The following LCOR variants were observed in gnomAD, a reference collection of about 807,000 sequenced individuals.
LCOR encodes ligand dependent nuclear receptor corepressor.
A neutral mutation model predicts 64.4 loss-of-function variants in LCOR; 14 were observed. The ratio of observed to expected loss-of-function variants is 0.22; its 90% CI spans 0.14 to 0.34. The LOEUF is 0.34. Ranked by LOEUF, LCOR falls within the 10% of genes least tolerant of loss-of-function variation. The pLI is 1.00. For missense variants in LCOR, 1,686 were observed against 1,765.3 expected, an observed-to-expected ratio of 0.96 and a Z score of 0.80; for synonymous variants, 643 against 642.5, an observed-to-expected ratio of 1.00 and a Z score of -0.01.
chr10:96,850,671 A>C (rs563649683), intron 2 of LCOR, among the ~76,000 whole-genome samples: 3 of 151,946 alleles, frequency 2.0e-5, no homozygotes, highest in Non-Finnish European at 4.4e-5. Context: ...GCTGTTCTCA[A>C]ACCCTTGAGC....
At chr10:96,838,296 T>C (rs910431278) in intron 2 of LCOR, among the ~76,000 whole-genome samples, 1 of 152,134 alleles carries the variant, frequency 6.6e-6, no homozygotes, top group African/African-American at 2.4e-5. Flanking sequence ...TTTATTTTTA[T>C]TTTTTCTCAG....
intron 2 of LCOR, among the ~76,000 whole-genome samples, chr10:96,843,277 A>G (rs1384682367): frequency 6.6e-6 from 1 of 151,956 alleles, no homozygotes; most frequent in Non-Finnish European, 1.5e-5. Context: ...AGCATGTTTC[A>G]TCATGCCTGG....
intron 4 of LCOR, among the ~76,000 whole-genome samples, chr10:96,921,358 A>G (rs1310039654): frequency 1.3e-5 from 2 of 152,156 alleles, no homozygotes; most frequent in African/African-American, 2.4e-5. Context: ...GTTTTCTTCT[A>G]AAAGTTTTAT....
rs1419023643 is a variant in LCOR at position 96,870,046 on chromosome 10, TTG to T, written c.-330+36569_-330+36570del. ...CTTCTAACCATAAGTTCTTTGTTTGTTGTTGTTGTTGTTGTTGTTGTTTTTTG... is the reference window on the plus strand; with the variant it reads ...CTTCTAACCATAAGTTCTTTGTTTGTTTGTTGTTGTTGTTGTTGTTTTTTG... On this transcript the variant is annotated intron_variant, in intron 2 of 7. Coordinates refer to ENST00000421806, the MANE Select transcript of LCOR (RefSeq NM_001346516.2). 2.4e-3 allele frequency among the ~76,000 whole-genome samples: 371 copies of T among 151,494 alleles called. 2 individuals carry two copies. The highest frequency in any genetic ancestry group is 8.1e-3 in the African/African-American group (335 of 41,376).
intron 2 of LCOR, among the ~76,000 whole-genome samples, chr10:96,891,528 C>CTTTTTTT (rs1425431265): frequency 8.2e-5 from 1 of 12,244 alleles, no homozygotes; most frequent in Non-Finnish European, 1.7e-4. Flanking sequence ...TCTGTCTTGA[C>CTTTTTTT]TCTTTTTTTT....
rs1026793671 is a variant in LCOR, at chr10:96,833,421, G to C, written c.-388G>C. The C allele has an allele frequency of 6.1e-6, 6 of 985,866 alleles. No homozygotes were observed. Among genetic ancestry groups the C allele is most frequent in the Non-Finnish European group, 4.8e-6 (4 of 830,106 alleles). 61.1% of individuals were successfully genotyped at this position (985,866 alleles called of 1,614,324 possible). On this transcript the variant is annotated 5_prime_UTR_variant, in exon 2 of 8. Coordinates refer to ENST00000421806, the MANE Select transcript of LCOR (RefSeq NM_001346516.2). ...CTCTCCCAAGGTCCCGTTTCCCTCT[G>C]TGCGGCGGCCGGCGGGACCATAAGG...
chr10:96,858,134 G>A (rs975270538), intron 2 of LCOR, among the ~76,000 whole-genome samples: 1 of 152,178 alleles, frequency 6.6e-6, no homozygotes, highest in Non-Finnish European at 1.5e-5. Flanking sequence ...GAGGAATTGT[G>A]CATTTGAGAA....
chr10:96,906,592 T>G (rs528311694), intron 2 of LCOR, among the ~76,000 whole-genome samples: 1 of 152,366 alleles, frequency 6.6e-6, no homozygotes, highest in East Asian at 1.9e-4. Flanking sequence ...TTTCTACTTT[T>G]TTCACACTGG....
chr10:96,949,350 A>AT, intron 6 of LCOR, 55 bp downstream of exon 6: 1 of 1,494,436 alleles, frequency 6.7e-7, no homozygotes, highest in Non-Finnish European at 9.2e-7. Flanking sequence ...TACTTTGGGG[A>AT]GAAAAAAAAA....
At chr10:96,965,215 TAGCC>T (rs1847936543) in intron 7 of LCOR, among the ~76,000 whole-genome samples, 1 of 151,248 alleles carries the variant, frequency 6.6e-6, no homozygotes, top group South Asian at 2.1e-4. Flanking sequence ...TTCACAATGT[TAGCC>T]AGGATGGTCT....
At chr10:96,928,571 CT>C (rs1847206158) in intron 4 of LCOR, among the ~76,000 whole-genome samples, 1 of 152,176 alleles carries the variant, frequency 6.6e-6, no homozygotes, top group African/African-American at 2.4e-5. Context: ...ATGTCTTGAA[CT>C]TCTCCAAGTC....
Position 96,981,671 on chromosome 10 carries a change from T to C in LCOR, c.1211T>C (p.Val404Ala). ...CTTCACTCTCTGGGAAGAAATAAGG[T>C]GGGTTACCATTTACATCCCAGTGAT... The part of the protein sequence containing the change: ...NHLHSLGRNK[V>A]GYHLHPSDKG... The change falls in exon 8 of 8, where the codon GTG (valine) becomes GCG (alanine). Residue 404 changes from valine to alanine, a missense_variant. Transcript: ENST00000421806. The C allele has an allele frequency of 6.2e-7, 1 of 1,614,148 alleles. No homozygotes were observed. The highest frequency in any genetic ancestry group is 1.1e-5 in the South Asian group (1 of 91,080).
intron 2 of LCOR, among the ~76,000 whole-genome samples, chr10:96,892,631 C>T (rs1367973573): frequency 6.6e-6 from 1 of 152,118 alleles, no homozygotes; most frequent in African/African-American, 2.4e-5. Context: ...CTTCCAAAGG[C>T]CCCACTTCTT....
intron 7 of LCOR, chr10:96,960,366 A>G (rs1005638090): frequency 6.6e-6 from 1 of 152,198 alleles, no homozygotes; most frequent in Admixed American, 6.6e-5. Context: ...TGAGTAGTTT[A>G]ACAGTTATAT....
chr10:96,915,776 T>C, intron 4 of LCOR: 2 of 614,034 alleles, frequency 3.3e-6, no homozygotes, highest in Non-Finnish European at 6.2e-6. Flanking sequence ...TGCAGGGCCC[T>C]TTTGAAGCTT....
chr10:96,879,388 G>A (rs1210490198), intron 2 of LCOR, among the ~76,000 whole-genome samples: 2 of 152,106 alleles, frequency 1.3e-5, no homozygotes, highest in Non-Finnish European at 2.9e-5. Context: ...TTATTTTATT[G>A]TAGTCATGAA....
chr10:96,878,712 T>C (rs1846211178), intron 2 of LCOR, among the ~76,000 whole-genome samples: 1 of 152,192 alleles, frequency 6.6e-6, no homozygotes, highest in South Asian at 2.1e-4. Flanking sequence ...GTCAGACTCA[T>C]ATTGTTCATT....
chr10:96,897,117 A>C (rs961850178), intron 2 of LCOR, among the ~76,000 whole-genome samples: 2 of 150,834 alleles, frequency 1.3e-5, no homozygotes, highest in Non-Finnish European at 3.0e-5. Flanking sequence ...AAAAAAAAAA[A>C]CCCAAAAGAA....
chr10:96,958,219 A>G (rs1441990132), intron 7 of LCOR: 1 of 1,299,558 alleles, frequency 7.7e-7, no homozygotes, highest in Non-Finnish European at 9.8e-7. Flanking sequence ...CCTCTCAGAA[A>G]GACATCACTA....
Sources: allele counts gnomAD v4.1 joint callset (sites outside exome capture counted in the v4.1 genomes callset), GRCh38; gene constraint gnomAD v4.1.1; transcripts MANE v1.5; gene names NCBI Gene and HGNC (gene_info 2026-07-23, HGNC 2026-07-21).